Variants in COL28A1 observed in about 807,000 individuals in gnomAD.
COL28A1 encodes collagen alpha-1(XXVIII) chain.
A neutral mutation model predicts 150.2 loss-of-function variants in COL28A1; 161 were observed. That is an observed-to-expected ratio of 1.07 (90% CI 0.94 to 1.22). COL28A1 has a LOEUF of 1.22. COL28A1 is among the 50% of genes most tolerant of loss of function. The pLI, the probability that COL28A1 is intolerant of heterozygous loss-of-function variation, is 0.00. For synonymous variants in COL28A1, 552 were observed against 469.7 expected (o/e 1.18, Z -2.26); for missense variants, 1,617 against 1,388.3 (o/e 1.16, Z -2.62).
At chr7:7,393,337 C>T (rs1294647) in intron 27 of COL28A1, among the ~76,000 whole-genome samples, 84,825 of 152,086 alleles carry the variant, frequency 0.56, 26,479 homozygotes, top group South Asian at 0.68. Flanking sequence ...CTGGAAGCTT[C>T]GTCCCAGACG....
chr7:7,352,762 G>A (rs559800462), downstream of COL28A1, among the ~76,000 whole-genome samples: 7 of 152,266 alleles, frequency 4.6e-5, no homozygotes, highest in Non-Finnish European at 8.8e-5. Flanking sequence ...ACACATTGTT[G>A]TTGTTTAAGC....
At position 7,373,940 on chromosome 7, in the gene COL28A1, A is replaced by C. The variant is rs1413018236; in HGVS notation, c.2360-394T>G. ...GGTCTCGATCTCCTGACCTCGTGAT[A>C]TGCCCGCCTCGGCCTCCCAAAGTGC... is the stretch of plus-strand genomic sequence containing the variant. On this transcript the variant is annotated intron_variant, in intron 31 of 34. Transcript: ENST00000399429. The surrounding 1 kb of genome is among the most constrained non-coding windows in gnomAD (Gnocchi z 4.1). Among the ~76,000 whole-genome samples the C allele has an allele frequency of 2.7e-5, 4 of 149,488 alleles. No individual in the cohort carries two copies. Among genetic ancestry groups the C allele is most frequent in the East Asian group, 3.9e-4 (2 of 5,120 alleles).
intron 32 of COL28A1, among the ~76,000 whole-genome samples, chr7:7,372,066 C>G (rs1019949435): frequency 2.3e-4 from 35 of 152,078 alleles, no homozygotes; most frequent in African/African-American, 8.0e-4. Flanking sequence ...CTCCTGACCT[C>G]GTGATCCACT....
At chr7:7,447,829 C>A (rs75538460) in intron 18 of COL28A1, among the ~76,000 whole-genome samples, 1,773 of 152,160 alleles carry the variant, frequency 0.012, 13 homozygotes, top group South Asian at 0.019. Flanking sequence ...AAAGAATGAG[C>A]AGAGCACCAG....
chr7:7,360,777 C>T (rs1780613537), intron 33 of COL28A1, among the ~76,000 whole-genome samples: 1 of 152,124 alleles, frequency 6.6e-6, no homozygotes, highest in South Asian at 2.1e-4. Context: ...CATATACACA[C>T]ATACACACAC....
chr7:7,539,310 C>T (rs879044169), upstream of COL28A1, among the ~76,000 whole-genome samples: 10 of 152,130 alleles, frequency 6.6e-5, no homozygotes, highest in East Asian at 1.9e-4. Flanking sequence ...AGGGGACCAG[C>T]GTGTGCAGAT....
intron 23 of COL28A1, among the ~76,000 whole-genome samples, chr7:7,434,169 GATC>G (rs1480720511): frequency 1.3e-5 from 2 of 152,124 alleles, no homozygotes; most frequent in African/African-American, 4.8e-5. Context: ...TCTTAAGAAT[GATC>G]ATCTTTAGGA....
At chr7:7,411,214 G>A (rs1260066432) in intron 27 of COL28A1, among the ~76,000 whole-genome samples, 5 of 152,108 alleles carry the variant, frequency 3.3e-5, no homozygotes, top group Admixed American at 6.5e-5. Flanking sequence ...CAGTTACTGT[G>A]GCACAACTGA....
In COL28A1 at chr7:7,477,112, C is replaced by T. The variant is rs1031383905; in HGVS notation, c.1233G>A (p.Lys411=). The T allele has an allele frequency of 8.7e-6, 10 of 1,155,758 alleles. No homozygotes were observed. The African/African-American group carries it at 1.4e-4, about 16-fold the overall frequency. 71.6% of individuals were successfully genotyped at this position (1,155,758 alleles called of 1,614,324 possible). A position where few individuals can be genotyped will look rare whatever the true frequency, so the allele number is the denominator to read the frequency against. ...TTCCTGGTACAGAAGGTATTGTTAC[C>T]TTTGGTCCTGGAAATCCTTCTCCGG... is the stretch of plus-strand genomic sequence containing the variant. The part of the protein sequence containing the change: ...GLPGEGFPGP[K]GEKGSEGPTG... The change falls in exon 14 of 35, where the codon AAG becomes AAA. Residue 411 remains lysine (K), a splice_region_variant and synonymous_variant. Coordinates refer to ENST00000399429, the MANE Select transcript of COL28A1 (RefSeq NM_001037763.3).
intron 25 of COL28A1, among the ~76,000 whole-genome samples, chr7:7,427,234 G>C (rs1482208835): frequency 6.6e-6 from 1 of 152,130 alleles, no homozygotes; most frequent in Non-Finnish European, 1.5e-5. Context: ...CCTGGTCTTG[G>C]ATATGACCCT....
intron 13 of COL28A1, among the ~76,000 whole-genome samples, chr7:7,487,529 G>A (rs979261260): frequency 1.3e-5 from 2 of 152,164 alleles, no homozygotes; most frequent in Admixed American, 1.3e-4. Flanking sequence ...AGTGAGCCGA[G>A]ATCATGCCTC....
rs4035000 is a variant in COL28A1 at position 7,451,671 on chromosome 7, T to TATAC, written c.1509+644_1509+647dup. The stretch of plus-strand genomic sequence containing the variant: ...ACATATATATAACATAATATGTTTG[T>TATAC]ATACATACATACACAGAGGCATATA... On this transcript the variant is annotated intron_variant, in intron 18 of 34. Coordinates refer to ENST00000399429, the MANE Select transcript of COL28A1 (RefSeq NM_001037763.3). Among the ~76,000 whole-genome samples, 1,141 of 152,272 alleles carry TATAC rather than the reference T, an allele frequency of 7.5e-3. 7 individuals are homozygous for TATAC. The highest frequency in any genetic ancestry group is 0.026 in the African/African-American group (1,074 of 41,556).
At chr7:7,379,088 G>A (rs1781723287) in intron 30 of COL28A1, among the ~76,000 whole-genome samples, 1 of 152,184 alleles carries the variant, frequency 6.6e-6, no homozygotes, top group Admixed American at 6.5e-5. Context: ...GTGTGGCATA[G>A]AGGAACATAT....
chr7:7,391,071 G>T (rs559240667), intron 27 of COL28A1, among the ~76,000 whole-genome samples: 48 of 152,066 alleles, frequency 3.2e-4, no homozygotes, highest in African/African-American at 1.1e-3. Flanking sequence ...GCGATGTTAG[G>T]GTGTCGATTT....
intron 6 of COL28A1, 88 bp from the exon 7 acceptor site, chr7:7,517,925 C>A: frequency 6.5e-7 from 1 of 1,531,628 alleles, no homozygotes; most frequent in Non-Finnish European, 9.0e-7. Flanking sequence ...AGATTAATAG[C>A]TTAGCCCAAT....
rs149725851 is a variant in COL28A1, at chr7:7,362,069, T to C, written c.3067-1541A>G. ...AGGGCAAGGAAAGCATTAGGAGAAA[T>C]ACCTAAAGTAGATTACAGGTTGATG... On this transcript the variant is annotated intron_variant, in intron 33 of 34. Transcript: ENST00000399429. Among the ~76,000 whole-genome samples, 1,424 of 152,160 alleles carry C rather than the reference T, an allele frequency of 9.4e-3. 22 individuals are homozygous for C. Among genetic ancestry groups the C allele is most frequent in the African/African-American group, 0.033 (1,356 of 41,488 alleles).
Position 7,432,554 on chromosome 7 carries a change from A to G in COL28A1, c.1930-13T>C. 1 of 1,613,576 alleles carries G rather than the reference A, an allele frequency of 6.2e-7. No homozygotes were observed. Among genetic ancestry groups the G allele is most frequent in the Non-Finnish European group, 8.5e-7 (1 of 1,179,522 alleles). ...ATCCACGAGGTCCCTGAGATGACAC[A>G]GTAAGGGAGGGAGTGAGCATCCTTG... On this transcript the variant is annotated splice_polypyrimidine_tract_variant and intron_variant, in intron 24 of 34. Coordinates refer to ENST00000399429, the MANE Select transcript of COL28A1 (RefSeq NM_001037763.3).
intron 12 of COL28A1, among the ~76,000 whole-genome samples, chr7:7,490,321 T>C (rs546546316): frequency 6.6e-6 from 1 of 152,366 alleles, no homozygotes; most frequent in African/African-American, 2.4e-5. Flanking sequence ...CAGAACTACA[T>C]GTACCTTGGC....
At chr7:7,443,754 ACT>A in intron 19 of COL28A1, 101 bp from the exon 20 acceptor site, 1 of 1,475,228 alleles carries the variant, frequency 6.8e-7, no homozygotes, top group Non-Finnish European at 9.1e-7. Flanking sequence ...TTCAGCTGAG[ACT>A]CTCCAAAACA....
Sources: gnomAD v4.1 joint callset for allele counts (sites outside exome capture counted in the v4.1 genomes callset) on GRCh38, gnomAD v4.1.1 for gene constraint, Gnocchi (gnomAD v3.1) non-coding constraint, MANE v1.5 for transcripts, NCBI Gene and HGNC (gene_info 2026-07-23, HGNC 2026-07-21) for gene names.